Variants in PCDH11X observed in about 807,000 individuals in gnomAD.
PCDH11X encodes protocadherin-11 X-linked.
In PCDH11X, 18 loss-of-function variants were observed where a neutral mutation model predicts 53.3. That is an observed-to-expected ratio of 0.34 (90% CI 0.23 to 0.50). The LOEUF (loss-of-function observed/expected upper bound fraction) is 0.50. Among genes scored for constraint, PCDH11X ranks in the 20% least tolerant of loss-of-function variants. PCDH11X has a pLI of 0.98. For missense variants in PCDH11X, 570 were observed against 1,032.4 expected (o/e 0.55, Z 6.14); for synonymous variants, 279 against 393.3 (o/e 0.71, Z 3.44).
chrX:92,378,431 CA>C (rs946484887), intron 8 of PCDH11X, among the ~76,000 whole-genome samples: 2 of 108,406 alleles, frequency 1.8e-5, no homozygotes, highest in African/African-American at 3.4e-5. Context: ...ATTAAAATGC[CA>C]AAAAAAGAGT....
intron 10 of PCDH11X, among the ~76,000 whole-genome samples, chrX:92,582,477 A>G (rs904497029): frequency 1.1e-3 from 122 of 109,265 alleles, no homozygotes; most frequent in Non-Finnish European, 2.1e-3. Flanking sequence ...CACAGAAGTC[A>G]AGAATTGAGG....
At chrX:91,940,236 T>C (rs948873849) in intron 6 of PCDH11X, among the ~76,000 whole-genome samples, 5 of 111,268 alleles carry the variant, frequency 4.5e-5, no homozygotes, top group African/African-American at 1.6e-4. Flanking sequence ...CCAGAGCAGA[T>C]GCTGATGTTA....
chrX:92,599,720 A>G (rs1384580359), intron 10 of PCDH11X, among the ~76,000 whole-genome samples: 10 of 111,761 alleles, frequency 8.9e-5, no homozygotes, highest in Non-Finnish European at 1.9e-4. Context: ...TGTGGAAGTG[A>G]CTTTGGAACT....
intron 9 of PCDH11X, among the ~76,000 whole-genome samples, chrX:92,404,522 C>A (rs932019512): frequency 9.0e-5 from 10 of 110,927 alleles, no homozygotes; most frequent in Admixed American, 1.9e-4. Flanking sequence ...CCTCTGATTG[C>A]TAAATCAGAA....
rs763381982 is a variant in PCDH11X, at chrX:92,452,463, GTATATATATATATA to G, written c.3344-15814_3344-15801del. 8.2e-3 allele frequency among the ~76,000 whole-genome samples: 367 copies of G among 44,692 alleles called. 6 individuals are homozygous for G. The highest frequency in any genetic ancestry group is 0.011 in the Non-Finnish European group (304 of 26,724). 38.8% of individuals were successfully genotyped at this position (44,692 alleles called of 115,157 possible). On this transcript the variant is annotated intron_variant, in intron 9 of 10. Transcript: ENST00000682573. ...TTGTATAATATAGATGTGTGTGTGT[GTATATATATATATA>G]TATATATATATATATATATATGTTT...
At chrX:92,277,935 A>G (rs1013252030) in intron 8 of PCDH11X, among the ~76,000 whole-genome samples, 2 of 111,788 alleles carry the variant, frequency 1.8e-5, no homozygotes, top group African/African-American at 6.5e-5. Flanking sequence ...GGACCAAGGC[A>G]GGCATCCCTG....
At chrX:92,381,983 T>A (rs1359551519) in intron 8 of PCDH11X, among the ~76,000 whole-genome samples, 1 of 111,012 alleles carries the variant, frequency 9.0e-6, no homozygotes, top group East Asian at 2.8e-4. Context: ...GTAGTTTAGG[T>A]TTGATCTTGT....
intron 6 of PCDH11X, among the ~76,000 whole-genome samples, chrX:92,137,593 G>A (rs1156241836): frequency 9.0e-6 from 1 of 111,111 alleles, no homozygotes; most frequent in Non-Finnish European, 1.9e-5. Flanking sequence ...ATGGCTTTTA[G>A]TATATTCACA....
chrX:92,477,813 G>A (rs6615400), intron 10 of PCDH11X, among the ~76,000 whole-genome samples: 12,871 of 103,104 alleles, frequency 0.12, 919 homozygotes, highest in East Asian at 0.43. Context: ...ATTTCTGTGG[G>A]GTCAGTGGTA....
At chrX:91,961,431 T>C (rs1462642813) in intron 6 of PCDH11X, among the ~76,000 whole-genome samples, 1 of 111,275 alleles carries the variant, frequency 9.0e-6, no homozygotes, top group Non-Finnish European at 1.9e-5. Context: ...CTAGTCAACA[T>C]AGTACTGGAA....
At chrX:92,504,250 C>T (rs1365765841) in intron 10 of PCDH11X, among the ~76,000 whole-genome samples, 1 of 106,208 alleles carries the variant, frequency 9.4e-6, no homozygotes, top group African/African-American at 3.4e-5. Context: ...TTTTTCGATC[C>T]TCACTCTTCT....
intron 6 of PCDH11X, among the ~76,000 whole-genome samples, chrX:91,924,802 T>C (rs1941884384): frequency 9.0e-6 from 1 of 111,381 alleles, no homozygotes; most frequent in African/African-American, 3.3e-5. Flanking sequence ...GTCTCATCAG[T>C]AATTGTGTAT....
At chrX:92,200,758 T>C (rs1226144619) in intron 6 of PCDH11X, among the ~76,000 whole-genome samples, 1 of 112,185 alleles carries the variant, frequency 8.9e-6, no homozygotes, top group African/African-American at 3.2e-5. Flanking sequence ...GCACACAAGA[T>C]TGATTTTAAT....
At chrX:92,439,663 T>C (rs1257123211) in intron 9 of PCDH11X, among the ~76,000 whole-genome samples, 3 of 108,991 alleles carry the variant, frequency 2.8e-5, no homozygotes, top group Non-Finnish European at 5.7e-5. Context: ...TTCTTGAGAG[T>C]TCAGGTTTAG....
At chrX:92,058,736 T>C (rs2063486756) in intron 6 of PCDH11X, among the ~76,000 whole-genome samples, 1 of 108,903 alleles carries the variant, frequency 9.2e-6, no homozygotes, top group African/African-American at 3.3e-5. Context: ...TGTGTGTTTA[T>C]GTTGATAAAT....
chrX:92,285,756 C>T (rs1360458236), intron 8 of PCDH11X, among the ~76,000 whole-genome samples: 1 of 111,094 alleles, frequency 9.0e-6, no homozygotes, highest in Non-Finnish European at 1.9e-5. Flanking sequence ...AACCCAGTGG[C>T]CCTAGAGGAG....
At chrX:91,932,224 G>C (rs2061394554) in intron 6 of PCDH11X, among the ~76,000 whole-genome samples, 1 of 110,487 alleles carries the variant, frequency 9.1e-6, no homozygotes, top group Non-Finnish European at 1.9e-5. Flanking sequence ...TTGATGGCCT[G>C]TTCTTGACCA....
chrX:92,275,735 G>A (rs765054330), intron 8 of PCDH11X, among the ~76,000 whole-genome samples: 1 of 111,678 alleles, frequency 9.0e-6, no homozygotes, highest in East Asian at 2.8e-4. Context: ...AGAGTTTATA[G>A]GTTTTAGAAG....
intron 6 of PCDH11X, among the ~76,000 whole-genome samples, chrX:92,078,057 C>A (rs2063802079): frequency 9.1e-6 from 1 of 109,524 alleles, no homozygotes; most frequent in Non-Finnish European, 1.9e-5. Context: ...TAGTGTTTCC[C>A]TGTGGACTCA....
Sources: allele counts gnomAD v4.1 joint callset (sites outside exome capture counted in the v4.1 genomes callset), GRCh38; gene constraint gnomAD v4.1.1; transcripts MANE v1.5; gene names NCBI Gene and HGNC (gene_info 2026-07-23, HGNC 2026-07-21).